Variants in GSAP observed in about 807,000 individuals in gnomAD.
GSAP encodes the protein gamma-secretase activating protein.
GSAP carries 118 observed loss-of-function variants against 131.7 expected under a neutral mutation model. The observed-to-expected ratio is 0.90, with a 90% CI of 0.77 to 1.04. The LOEUF is 1.04. GSAP is among the 50% of genes least tolerant of loss of function. GSAP has a pLI of 0.00. For missense variants in GSAP, 1,019 were observed against 1,013.2 expected (o/e 1.01, Z -0.08); for synonymous variants, 381 against 363.4 (o/e 1.05, Z -0.55).
At chr7:77,405,550 CT>C (rs1802116233) in intron 2 of GSAP, among the ~76,000 whole-genome samples, 4 of 150,854 alleles carry the variant, frequency 2.7e-5, no homozygotes, top group African/African-American at 9.8e-5. Flanking sequence ...ATTTTTTTTT[CT>C]TTTTGAGACA....
chr7:77,318,899 C>T (rs1029531115), intron 26 of GSAP, among the ~76,000 whole-genome samples: 8 of 114,282 alleles, frequency 7.0e-5, no homozygotes, highest in African/African-American at 1.4e-4. Context: ...GCAAAGGAAA[C>T]GATCCTGGGC....
At chr7:77,396,907 G>T in intron 5 of GSAP, 75 bp downstream of exon 5, 1 of 709,908 alleles carries the variant, frequency 1.4e-6, no homozygotes, top group South Asian at 1.9e-5. Flanking sequence ...CTTGAAATTT[G>T]ATTTGGTAGT....
intron 5 of GSAP, among the ~76,000 whole-genome samples, chr7:77,390,776 A>G (rs1265723524): frequency 6.6e-6 from 1 of 151,394 alleles, no homozygotes; most frequent in Non-Finnish European, 1.5e-5. Context: ...AAATAAAAAA[A>G]TACAAATCAA....
intron 13 of GSAP, 29 bp from the exon 14 acceptor site, chr7:77,360,930 A>G (rs778399063): frequency 2.2e-6 from 3 of 1,342,338 alleles, no homozygotes; most frequent in Non-Finnish European, 3.2e-6. Flanking sequence ...AAGCCAGAGA[A>G]TGTTAAACAA....
At chr7:77,326,088 C>T in intron 23 of GSAP, 124 bp downstream of exon 23, 2 of 700,700 alleles carry the variant, frequency 2.9e-6, no homozygotes, top group Admixed American at 5.9e-5. Flanking sequence ...GTCCATAATG[C>T]TGGCAAAACA....
At chr7:77,369,995 C>T (rs1450343640) in intron 12 of GSAP, among the ~76,000 whole-genome samples, 1 of 151,914 alleles carries the variant, frequency 6.6e-6, no homozygotes, top group Non-Finnish European at 1.5e-5. Flanking sequence ...GATTCTTCCA[C>T]AATTTATGTC....
At chr7:77,378,716 G>T (rs1261370674) in intron 8 of GSAP, among the ~76,000 whole-genome samples, 1 of 152,176 alleles carries the variant, frequency 6.6e-6, no homozygotes, top group Non-Finnish European at 1.5e-5. Context: ...GTTCTGCAAG[G>T]TCTGGAATCC....
At chr7:77,342,568 T>C (rs949350086) in intron 19 of GSAP, among the ~76,000 whole-genome samples, 1 of 151,966 alleles carries the variant, frequency 6.6e-6, no homozygotes, top group African/African-American at 2.4e-5. Context: ...TCCCCTTGTA[T>C]CTCCCCACCT....
Position 77,312,113 on chromosome 7 carries a change from G to T in GSAP, c.2361C>A (p.Asn787Lys). 1 of 1,593,080 alleles carries T rather than the reference G, an allele frequency of 6.3e-7. No individual in the cohort carries two copies. The highest frequency in any genetic ancestry group is 8.6e-7 in the Non-Finnish European group (1 of 1,168,370). The change falls in exon 29 of 31, where the codon AAC becomes AAA. Residue 787 changes from asparagine to lysine, a missense_variant. Coordinates refer to ENST00000257626, the MANE Select transcript of GSAP (RefSeq NM_017439.4). Reference sequence around the variant, plus strand: ...CAGAGAAACTCACCTGTTTCTTATAGTTCTGAAGCAGTCGCGTCACGTGGT... The same window carrying T: ...CAGAGAAACTCACCTGTTTCTTATATTTCTGAAGCAGTCGCGTCACGTGGT... ...SRNHVTRLLQ[N>K]YKKQPRNSMI...
Position 77,360,787 on chromosome 7 carries a change from T to C in GSAP, c.1027+37A>G, listed in dbSNP as rs985243694. 1.0e-5 allele frequency: 11 copies of C among 1,065,654 alleles called. No homozygotes were observed. The Middle Eastern group carries it at 1.2e-3, about 116-fold the overall frequency. 66.0% of individuals were successfully genotyped at this position (1,065,654 alleles called of 1,614,324 possible). On this transcript the variant is annotated intron_variant, in intron 14 of 30. Coordinates refer to ENST00000257626, the MANE Select transcript of GSAP (RefSeq NM_017439.4). ...GAGGTATACCATGCCTAGGAACAAG[T>C]GTTCAGAGCAGGGGGTGTGATCTCT...
chr7:77,396,905 T>C, intron 5 of GSAP, 77 bp downstream of exon 5: 1 of 710,686 alleles, frequency 1.4e-6, no homozygotes, highest in Non-Finnish European at 2.4e-6. Context: ...TGCTTGAAAT[T>C]TGATTTGGTA....
Position 77,361,055 on chromosome 7 carries a change from C to A in GSAP, c.950-154G>T, listed in dbSNP as rs6950070. On this transcript the variant is annotated intron_variant, in intron 13 of 30. Transcript: ENST00000257626. ...TAGATTTCATGGTTCCCCTCATTCT[C>A]CAAAAACCAGCATTGAAGGCAGATT... is the stretch of plus-strand genomic sequence containing the variant. Among the ~76,000 whole-genome samples the A allele has an allele frequency of 0.12, 19,027 of 152,224 alleles. 1,752 individuals carry two copies. The highest frequency in any genetic ancestry group is 0.44 in the East Asian group (2,277 of 5,174).
At chr7:77,334,605 A>AAAAAAAAAAAAAAAAAAAAAAAAC (rs1789684663) in intron 19 of GSAP, among the ~76,000 whole-genome samples, 3 of 149,772 alleles carry the variant, frequency 2.0e-5, no homozygotes, top group African/African-American at 2.4e-5. Flanking sequence ...AAAAAAAAAA[A>AAAAAAAAAAAAAAAAAAAAAAAAC]AGATGAACCT....
At chr7:77,408,091 TTC>T (rs1802614335) in intron 1 of GSAP, among the ~76,000 whole-genome samples, 1 of 152,216 alleles carries the variant, frequency 6.6e-6, no homozygotes, top group African/African-American at 2.4e-5. Context: ...CATGAAGGAC[TTC>T]TGAGGTTCCA....
intron 3 of GSAP, among the ~76,000 whole-genome samples, chr7:77,399,274 G>A (rs931895307): frequency 6.6e-6 from 1 of 152,142 alleles, no homozygotes; most frequent in Non-Finnish European, 1.5e-5. Context: ...AACAGAATGG[G>A]GTGTTACTTC....
chr7:77,334,868 A>C (rs548059302), intron 19 of GSAP, among the ~76,000 whole-genome samples: 1 of 150,568 alleles, frequency 6.6e-6, no homozygotes, highest in Non-Finnish European at 1.5e-5. Flanking sequence ...GTGGATCACA[A>C]GGTCAGGAGA....
chr7:77,321,689 C>T (rs1443074934), intron 24 of GSAP, among the ~76,000 whole-genome samples: 1 of 152,176 alleles, frequency 6.6e-6, no homozygotes, highest in Non-Finnish European at 1.5e-5. Flanking sequence ...ACTTACAGAC[C>T]CCCATCCATC....
chr7:77,398,901 TA>T (rs2151142784), intron 3 of GSAP, among the ~76,000 whole-genome samples: 1 of 152,354 alleles, frequency 6.6e-6, no homozygotes, highest in African/African-American at 2.4e-5. Context: ...GCAAGTTTTT[TA>T]AAAACATAAA....
In GSAP at chr7:77,379,813, G is replaced by A. The variant is rs59314377; in HGVS notation, c.576+1492C>T. The A allele has an allele frequency of 1.3e-4, 126 of 967,810 alleles. No homozygotes were observed. The African/African-American group carries it at 1.6e-3, about 12-fold the overall frequency. 60.0% of individuals were successfully genotyped at this position (967,810 alleles called of 1,614,324 possible). A position where few individuals can be genotyped will look rare whatever the true frequency, so the allele number is the denominator to read the frequency against. The stretch of plus-strand genomic sequence containing the variant: ...GTTCTCCCATCTACTTAGCCCCTGC[G>A]GGACAATGGTAGCCCAGAGCTCCAG... On this transcript the variant is annotated intron_variant, in intron 8 of 30. Transcript: ENST00000257626.
Sources: allele counts gnomAD v4.1 joint callset (sites outside exome capture counted in the v4.1 genomes callset), GRCh38; gene constraint gnomAD v4.1.1; transcripts MANE v1.5; gene names NCBI Gene and HGNC (gene_info 2026-07-23, HGNC 2026-07-21).